Variants in KCNAB1 observed in about 807,000 individuals in gnomAD.
KCNAB1 encodes the protein potassium voltage-gated channel subfamily A regulatory beta subunit 1.
In KCNAB1, 35 loss-of-function variants were observed where a neutral mutation model predicts 64.6. The observed-to-expected ratio is 0.54, with a 90% CI of 0.41 to 0.72. KCNAB1 has a LOEUF of 0.72. Among genes scored for constraint, KCNAB1 ranks in the 30% least tolerant of loss-of-function variants. The pLI is 0.00. For missense variants in KCNAB1, 401 were observed against 512.9 expected, an observed-to-expected ratio of 0.78 and a Z score of 2.11; for synonymous variants, 177 against 183.8, an observed-to-expected ratio of 0.96 and a Z score of 0.30.
In KCNAB1 at chr3:156,514,396, C is replaced by G. The variant is rs1335426618; in HGVS notation, c.691C>G (p.Gln231Glu). 6.2e-7 allele frequency: 1 copy of G among 1,613,974 alleles called. No homozygotes were observed. ...IVRAMTHVIN[Q>E]GMAMYWGTSR... ...CCGAGCCATGACACATGTGATAAAC[C>G]AAGGCATGGCGATGTACTGGGGCAC... is the stretch of plus-strand genomic sequence containing the variant. The change falls in exon 9 of 14, where the codon CAA becomes GAA. Residue 231 changes from glutamine (Q) to glutamate (E), a missense_variant. By Grantham distance (29) the Gln-to-Glu change is conservative. Coordinates refer to ENST00000490337, the MANE Select transcript of KCNAB1 (RefSeq NM_172160.3).
chr3:156,119,278 TG>T (rs1713216550), upstream of KCNAB1, among the ~76,000 whole-genome samples: 1 of 152,200 alleles, frequency 6.6e-6, no homozygotes, highest in Non-Finnish European at 1.5e-5. Context: ...CAGCAGTAGA[TG>T]ACTTGTTACC....
intron 1 of KCNAB1, among the ~76,000 whole-genome samples, chr3:156,243,884 A>G (rs1717308426): frequency 6.6e-6 from 1 of 152,092 alleles, no homozygotes; most frequent in Non-Finnish European, 1.5e-5. Context: ...CTCCCCTCCC[A>G]ACTACTGACC....
chr3:156,342,176 ACACTTCCTTT>A (rs1229266267), intron 1 of KCNAB1, among the ~76,000 whole-genome samples: 1 of 152,184 alleles, frequency 6.6e-6, no homozygotes, highest in African/African-American at 2.4e-5. Context: ...TGGGGAAGCC[ACACTTCCTTT>A]CACTTCTGCA....
intron 1 of KCNAB1, among the ~76,000 whole-genome samples, chr3:156,379,786 G>A (rs745509883): frequency 3.9e-5 from 6 of 152,148 alleles, no homozygotes; most frequent in Non-Finnish European, 7.4e-5. Flanking sequence ...CCACTGCATA[G>A]GGGCTTAGGT....
At chr3:156,280,165 C>T (rs1719610745) in intron 1 of KCNAB1, among the ~76,000 whole-genome samples, 1 of 150,334 alleles carries the variant, frequency 6.7e-6, no homozygotes, top group African/African-American at 2.5e-5. Flanking sequence ...GGAAGGGATC[C>T]AGTTTCAGCT....
chr3:156,386,918 G>A (rs1712640376), intron 1 of KCNAB1, among the ~76,000 whole-genome samples: 1 of 151,266 alleles, frequency 6.6e-6, no homozygotes, highest in South Asian at 2.1e-4. Context: ...TCCCTTTCAT[G>A]TCAGCTCCTT....
chr3:156,269,407 A>G (rs1718901652), intron 1 of KCNAB1, among the ~76,000 whole-genome samples: 1 of 152,362 alleles, frequency 6.6e-6, no homozygotes, highest in Non-Finnish European at 1.5e-5. Flanking sequence ...GTGGCCTAAC[A>G]TATGCGTATT....
At chr3:156,119,085 C>A (rs1033619504), upstream of KCNAB1, among the ~76,000 whole-genome samples, 1 of 152,186 alleles carries the variant, frequency 6.6e-6, no homozygotes, top group Non-Finnish European at 1.5e-5. Context: ...ACAGTAATAT[C>A]AAACAGGTTT....
chr3:156,366,612 G>T (rs1046568191), intron 1 of KCNAB1, among the ~76,000 whole-genome samples: 5 of 152,118 alleles, frequency 3.3e-5, no homozygotes, highest in Admixed American at 6.5e-5. Flanking sequence ...TCATTTGAGG[G>T]ATAACCAAAT....
chr3:156,318,126 T>C (rs1722399594), intron 1 of KCNAB1, among the ~76,000 whole-genome samples: 1 of 151,926 alleles, frequency 6.6e-6, no homozygotes, highest in Non-Finnish European at 1.5e-5. Context: ...GTGCTGGGTG[T>C]CTTTCTTTCT....
intron 1 of KCNAB1, among the ~76,000 whole-genome samples, chr3:156,221,099 A>T (rs2108413722): frequency 6.6e-6 from 1 of 152,312 alleles, no homozygotes; most frequent in South Asian, 2.1e-4. Flanking sequence ...TACCAGTACC[A>T]TGCTGTTTTG....
At chr3:156,248,784 T>G (rs1344669601) in intron 1 of KCNAB1, among the ~76,000 whole-genome samples, 2 of 152,182 alleles carry the variant, frequency 1.3e-5, no homozygotes, top group Non-Finnish European at 2.9e-5. Context: ...GATAGTATTT[T>G]CCCCCTGGTT....
rs71138701 is a variant in KCNAB1, at chr3:156,198,913, ATTTTTTTTT to A, written c.275+78049_275+78057del. Reference sequence around the variant, plus strand: ...TATTGTCATTGGTCTTTATATTTTGATTTTTTTTTTTTTTTTTTTTTTTTTTTTTTAGTG... The same window carrying A: ...TATTGTCATTGGTCTTTATATTTTGATTTTTTTTTTTTTTTTTTTTTAGTG... On this transcript the variant is annotated intron_variant, in intron 1 of 13. Transcript: ENST00000490337. Among the ~76,000 whole-genome samples the A allele has an allele frequency of 7.0e-3, 149 of 21,284 alleles. 1 individual carries two copies. Among genetic ancestry groups the A allele is most frequent in the Non-Finnish European group, 0.011 (122 of 11,080 alleles). The allele number at this position is 21,284 out of a possible 152,430, so 14.0% of individuals were successfully genotyped here. A position where few individuals can be genotyped will look rare whatever the true frequency, so the allele number is the denominator to read the frequency against.
intron 2 of KCNAB1, among the ~76,000 whole-genome samples, chr3:156,438,742 G>C (rs558441024): frequency 3.3e-5 from 5 of 152,156 alleles, no homozygotes; most frequent in Admixed American, 3.3e-4. Flanking sequence ...CTGACCGGGC[G>C]TGGTGGCTCA....
At chr3:156,222,132 T>A (rs1309119244) in intron 1 of KCNAB1, among the ~76,000 whole-genome samples, 1 of 152,186 alleles carries the variant, frequency 6.6e-6, no homozygotes. Flanking sequence ...AGATACAGAA[T>A]GGCAGAATGG....
At chr3:156,248,354 A>G (rs1191689639) in intron 1 of KCNAB1, among the ~76,000 whole-genome samples, 3 of 152,266 alleles carry the variant, frequency 2.0e-5, no homozygotes, top group African/African-American at 7.2e-5. Flanking sequence ...GTTTATGGTC[A>G]AATGTTCAAA....
chr3:156,321,088 G>A (rs1722629922), intron 1 of KCNAB1, among the ~76,000 whole-genome samples: 1 of 152,148 alleles, frequency 6.6e-6, no homozygotes, highest in African/African-American at 2.4e-5. Flanking sequence ...AGGAAAGAGT[G>A]GATGCTGGAG....
chr3:156,431,486 C>G (rs1468229443), intron 2 of KCNAB1, among the ~76,000 whole-genome samples: 1 of 152,126 alleles, frequency 6.6e-6, no homozygotes, highest in Non-Finnish European at 1.5e-5. Flanking sequence ...GAGGAGAGCA[C>G]AGGGCTGCAG....
At chr3:156,448,004 C>A (rs1043594099) in intron 2 of KCNAB1, among the ~76,000 whole-genome samples, 6 of 152,156 alleles carry the variant, frequency 3.9e-5, no homozygotes, top group African/African-American at 1.4e-4. Flanking sequence ...AATGAGGTAA[C>A]CAAGATAGAT....
Sources: allele counts gnomAD v4.1 joint callset (sites outside exome capture counted in the v4.1 genomes callset), GRCh38; gene constraint gnomAD v4.1.1; transcripts MANE v1.5; gene names NCBI Gene and HGNC (gene_info 2026-07-23, HGNC 2026-07-21).